PARD3: variants seen among roughly 807,000 people sequenced by gnomAD.
PARD3 encodes par-3 family cell polarity regulator.
A neutral mutation model predicts 155.4 loss-of-function variants in PARD3; 75 were observed. The observed-to-expected ratio is 0.48, with a 90% CI of 0.40 to 0.58. The LOEUF (loss-of-function observed/expected upper bound fraction) is 0.58, where lower values mean the gene tolerates loss of function less well. Among genes scored for constraint, PARD3 ranks in the 20% least tolerant of loss-of-function variants. The pLI, the probability that PARD3 is intolerant of heterozygous loss-of-function variation, is 0.00. For missense variants in PARD3, 1,642 were observed against 1,721.7 expected (o/e 0.95, Z 0.82); for synonymous variants, 576 against 610.5 (o/e 0.94, Z 0.83).
chr10:34,182,458 T>C (rs1950308906), intron 22 of PARD3, among the ~76,000 whole-genome samples: 2 of 152,206 alleles, frequency 1.3e-5, no homozygotes, highest in South Asian at 2.1e-4. Flanking sequence ...TCATATACCA[T>C]TGATTCCTAC....
chr10:34,641,836 C>T (rs891808846), intron 2 of PARD3, among the ~76,000 whole-genome samples: 8 of 152,114 alleles, frequency 5.3e-5, no homozygotes, highest in South Asian at 2.1e-4. Context: ...CTGTCCTGCA[C>T]GTGAAATACA....
intron 2 of PARD3, among the ~76,000 whole-genome samples, chr10:34,567,943 T>C (rs1036783923): frequency 2.6e-5 from 4 of 152,216 alleles, no homozygotes; most frequent in African/African-American, 7.2e-5. Context: ...CCTTGTATCC[T>C]ATATCCAACA....
At chr10:34,494,895 G>T (rs1490322903) in intron 3 of PARD3, among the ~76,000 whole-genome samples, 1 of 152,058 alleles carries the variant, frequency 6.6e-6, no homozygotes, top group East Asian at 1.9e-4. Context: ...GGATGCACTG[G>T]TAACAGGATT....
chr10:34,707,436 C>CA (rs906055194), intron 1 of PARD3, among the ~76,000 whole-genome samples: 3 of 150,292 alleles, frequency 2.0e-5, no homozygotes, highest in African/African-American at 4.9e-5. Flanking sequence ...GATACACCAC[C>CA]AAAAAAAAAG....
At chr10:34,131,250 A>G (rs572405744) in intron 23 of PARD3, among the ~76,000 whole-genome samples, 5 of 152,326 alleles carry the variant, frequency 3.3e-5, no homozygotes, top group African/African-American at 7.2e-5. Flanking sequence ...AGTGAAACCT[A>G]TTAGGCAATG....
intron 14 of PARD3, among the ~76,000 whole-genome samples, chr10:34,353,002 G>T (rs796438131): frequency 7.9e-6 from 1 of 126,634 alleles, no homozygotes; most frequent in Non-Finnish European, 2.0e-5. Context: ...CCGCCACCCC[G>T]TCTGGGAGGT....
intron 14 of PARD3, among the ~76,000 whole-genome samples, chr10:34,352,942 C>T (rs991667979): frequency 1.3e-5 from 2 of 151,432 alleles, no homozygotes; most frequent in Admixed American, 6.6e-5. Flanking sequence ...ATGTGGGGAG[C>T]GCCTCTGCCC....
chr10:34,206,706 C>T (rs1007686838), intron 22 of PARD3, among the ~76,000 whole-genome samples: 1 of 152,108 alleles, frequency 6.6e-6, no homozygotes, highest in African/African-American at 2.4e-5. Context: ...GGGTTATTTA[C>T]AAATTTCTAG....
chr10:34,411,933 T>C (rs1845119377), intron 5 of PARD3, among the ~76,000 whole-genome samples: 1 of 146,760 alleles, frequency 6.8e-6, no homozygotes, highest in Admixed American at 7.2e-5. Flanking sequence ...TGTGTGTGTG[T>C]GTGTGTGTGT....
intron 2 of PARD3, among the ~76,000 whole-genome samples, chr10:34,607,278 C>A (rs117729216): frequency 0.011 from 1,619 of 152,256 alleles, 15 homozygotes; most frequent in Non-Finnish European, 0.017. Flanking sequence ...TATGTATTTG[C>A]AAACAACCCT....
rs997433968 is a variant in PARD3 at position 34,525,830 on chromosome 10, T to A, written c.223-8671A>T. On this transcript the variant is annotated intron_variant, in intron 2 of 24. Transcript: ENST00000374788. ...AGGCATGGTGGGTCATGCCTGTAAT[T>A]CCAGCACTTTGGGAGGTAGAGGTAG... 4.6e-5 allele frequency among the ~76,000 whole-genome samples: 7 copies of A among 152,012 alleles called. No homozygotes were observed. In the South Asian group the frequency reaches 8.3e-4, roughly 18 times the overall value.
intron 22 of PARD3, among the ~76,000 whole-genome samples, chr10:34,261,560 G>A (rs776069353): frequency 2.6e-5 from 4 of 151,822 alleles, no homozygotes; most frequent in East Asian, 3.9e-4. Context: ...ATGATGGCAC[G>A]TGCCTGTAAT....
intron 1 of PARD3, among the ~76,000 whole-genome samples, chr10:34,769,940 T>G (rs1838654907): frequency 6.6e-6 from 1 of 152,146 alleles, no homozygotes; most frequent in Admixed American, 6.6e-5. Flanking sequence ...ATTCAGAATG[T>G]GGGGTTCCCC....
intron 12 of PARD3, among the ~76,000 whole-genome samples, chr10:34,364,326 C>T (rs938101142): frequency 9.9e-5 from 15 of 152,080 alleles, no homozygotes; most frequent in Admixed American, 2.0e-4. Context: ...AGCTCAATAG[C>T]CGATTTTTGG....
chr10:34,321,366 G>A (rs1010622396), intron 19 of PARD3, among the ~76,000 whole-genome samples: 2 of 152,106 alleles, frequency 1.3e-5, no homozygotes, highest in African/African-American at 2.4e-5. Context: ...ACTATTTTAA[G>A]TGCTATATAC....
intron 15 of PARD3, chr10:34,343,544 A>G: frequency 6.1e-6 from 6 of 985,350 alleles, no homozygotes; most frequent in Non-Finnish European, 7.2e-6. Flanking sequence ...TAGTATTTCC[A>G]CAAGATTTGA....
Position 34,622,923 on chromosome 10 carries a change from G to T in PARD3, c.222+73395C>A, listed in dbSNP as rs182022713. Among the ~76,000 whole-genome samples the T allele has an allele frequency of 1.2e-3, 182 of 150,576 alleles. 1 individual carries two copies. In the Middle Eastern group the frequency reaches 0.014, roughly 11 times the overall value. Reference sequence around the variant, plus strand: ...TAATCACTATGAAGAGTGTAAAGTGGGTCTTTTCAGGACCTTTTTCCCCAT... The same window carrying T: ...TAATCACTATGAAGAGTGTAAAGTGTGTCTTTTCAGGACCTTTTTCCCCAT... On this transcript the variant is annotated intron_variant, in intron 2 of 24. Coordinates refer to ENST00000374788, the MANE Select transcript of PARD3 (RefSeq NM_001184785.2).
intron 1 of PARD3, among the ~76,000 whole-genome samples, chr10:34,780,476 T>C (rs1840111007): frequency 6.6e-6 from 1 of 152,246 alleles, no homozygotes; most frequent in South Asian, 2.1e-4. Context: ...CATCTAATTA[T>C]TACAAGCCCA....
chr10:34,558,554 A>G lies in PARD3; in HGVS notation c.223-41395T>C, dbSNP rs538546637. Among the ~76,000 whole-genome samples, 4 of 152,334 alleles carry G rather than the reference A, an allele frequency of 2.6e-5. No homozygotes were observed. The South Asian group carries it at 6.2e-4, about 24-fold the overall frequency. On this transcript the variant is annotated intron_variant, in intron 2 of 24. Transcript: ENST00000374788. ...GCTGAAGCTATATTATTCCAGAGAA[A>G]GTGTGCCTCAGCTTCCATTGCCAAA...
Sources: allele counts gnomAD v4.1 joint callset (sites outside exome capture counted in the v4.1 genomes callset), GRCh38; gene constraint gnomAD v4.1.1; transcripts MANE v1.5; gene names NCBI Gene and HGNC (gene_info 2026-07-23, HGNC 2026-07-21).